Variants in RAB27A observed in about 807,000 individuals in gnomAD.
RAB27A encodes the protein RAB27A, member RAS oncogene family.
A neutral mutation model predicts 20.8 loss-of-function variants in RAB27A; 17 were observed. The observed-to-expected ratio is 0.82, with a 90% CI of 0.56 to 1.23. The LOEUF (loss-of-function observed/expected upper bound fraction) is 1.23. Among genes scored for constraint, RAB27A ranks in the 50% most tolerant of loss-of-function variants. RAB27A has a pLI of 0.00. For missense variants in RAB27A, 277 were observed against 266.7 expected (o/e 1.04, Z -0.27); for synonymous variants, 85 against 92.8 (o/e 0.92, Z 0.48).
intron 2 of RAB27A, among the ~76,000 whole-genome samples, chr15:55,252,889 C>T (rs1896943588): frequency 6.6e-6 from 1 of 151,818 alleles, no homozygotes; most frequent in Non-Finnish European, 1.5e-5. Context: ...AATCCCAGCA[C>T]TTTGGGAGGC....
At chr15:55,289,834 C>T (rs1463641995), upstream of RAB27A, 1 of 152,220 alleles carries the variant, frequency 6.6e-6, no homozygotes, top group African/African-American at 2.4e-5. Flanking sequence ...ACATCACTTC[C>T]CGTAAAGGAG....
At chr15:55,207,215 T>C (rs1391416522) in intron 6 of RAB27A, among the ~76,000 whole-genome samples, 1 of 152,174 alleles carries the variant, frequency 6.6e-6, no homozygotes, top group African/African-American at 2.4e-5. Flanking sequence ...TGTTAATAAC[T>C]ACTTTGGAAA....
chr15:55,311,665 G>C (rs995491596), intron 2 of RAB27A, among the ~76,000 whole-genome samples: 1 of 152,186 alleles, frequency 6.6e-6, no homozygotes, highest in African/African-American at 2.4e-5. Context: ...CTGTAAGCTA[G>C]TGTTATAATT....
intron 4 of RAB27A, among the ~76,000 whole-genome samples, chr15:55,229,265 A>G (rs1895939736): frequency 6.6e-6 from 1 of 151,604 alleles, no homozygotes; most frequent in Non-Finnish European, 1.5e-5. Flanking sequence ...GTCTTTGCCT[A>G]TATGTAAAAC....
At chr15:55,293,436 C>T (rs1217552030), upstream of RAB27A, among the ~76,000 whole-genome samples, 1 of 149,972 alleles carries the variant, frequency 6.7e-6, no homozygotes, top group Non-Finnish European at 1.5e-5. Context: ...GATACTAGAT[C>T]AACACATAAA....
chr15:55,209,729 C>T (rs1178275727), intron 6 of RAB27A, among the ~76,000 whole-genome samples: 1 of 146,800 alleles, frequency 6.8e-6, no homozygotes, highest in Middle Eastern at 3.3e-3. Flanking sequence ...AATATATATA[C>T]ACATATATAT....
At chr15:55,240,704 C>G (rs1329349178) in intron 2 of RAB27A, among the ~76,000 whole-genome samples, 1 of 152,162 alleles carries the variant, frequency 6.6e-6, no homozygotes, top group African/African-American at 2.4e-5. Flanking sequence ...TATTTAGTCT[C>G]TTTTGCCTTG....
intron 1 of RAB27A, among the ~76,000 whole-genome samples, chr15:55,288,222 C>G (rs1445415215): frequency 6.6e-6 from 1 of 152,010 alleles, no homozygotes; most frequent in Non-Finnish European, 1.5e-5. Context: ...AAAGCACAAA[C>G]AACAAAAGGA....
intron 2 of RAB27A, among the ~76,000 whole-genome samples, chr15:55,262,447 C>A (rs1046268806): frequency 6.6e-6 from 1 of 150,538 alleles, no homozygotes; most frequent in Non-Finnish European, 1.5e-5. Context: ...GAGGCTGAGG[C>A]AGGAGAATGG....
At chr15:55,265,173 C>T (rs920210284) in intron 2 of RAB27A, among the ~76,000 whole-genome samples, 1 of 151,898 alleles carries the variant, frequency 6.6e-6, no homozygotes, top group Non-Finnish European at 1.5e-5. Flanking sequence ...ACCCAGGAGG[C>T]GGAGGTTGCA....
intron 2 of RAB27A, chr15:55,269,800 C>T (rs765904123): frequency 1.3e-5 from 2 of 152,092 alleles, no homozygotes; most frequent in Non-Finnish European, 2.9e-5. Context: ...AAACAAAACA[C>T]CAATAAGCTT....
chr15:55,252,391 G>A (rs534721511), intron 2 of RAB27A, among the ~76,000 whole-genome samples: 1 of 151,844 alleles, frequency 6.6e-6, no homozygotes, highest in Admixed American at 6.6e-5. Flanking sequence ...ATCACTTGAG[G>A]CCAGGAGTTC....
intron 2 of RAB27A, among the ~76,000 whole-genome samples, chr15:55,260,981 C>T (rs1344176764): frequency 6.8e-6 from 1 of 146,708 alleles, no homozygotes; most frequent in African/African-American, 2.6e-5. Flanking sequence ...AAACGTACCA[C>T]TCTGGTATGG....
At chr15:55,306,845 A>G (rs1049844255) in intron 2 of RAB27A, among the ~76,000 whole-genome samples, 1 of 152,198 alleles carries the variant, frequency 6.6e-6, no homozygotes, top group Non-Finnish European at 1.5e-5. Flanking sequence ...AGGTGGTGAG[A>G]GAACAGTAAA....
intron 2 of RAB27A, among the ~76,000 whole-genome samples, chr15:55,301,249 C>T (rs1015803259): frequency 1.3e-5 from 2 of 152,138 alleles, no homozygotes; most frequent in African/African-American, 4.8e-5. Context: ...CAAACTACCA[C>T]GCTCGGCTAA....
At chr15:55,293,541 G>A (rs1055719474), upstream of RAB27A, among the ~76,000 whole-genome samples, 3 of 151,878 alleles carry the variant, frequency 2.0e-5, no homozygotes, top group African/African-American at 4.8e-5. Flanking sequence ...AAAATACCTA[G>A]GCATAAATTT....
intron 2 of RAB27A, among the ~76,000 whole-genome samples, chr15:55,308,923 A>C (rs1323766226): frequency 6.6e-6 from 1 of 152,138 alleles, no homozygotes; most frequent in Non-Finnish European, 1.5e-5. Context: ...CCACTACATC[A>C]ATTTCCTTAT....
At chr15:55,278,830 A>G (rs1897943180) in intron 1 of RAB27A, among the ~76,000 whole-genome samples, 1 of 152,186 alleles carries the variant, frequency 6.6e-6, no homozygotes. Context: ...TGGGGCTGAA[A>G]AATCTGCATT....
At chr15:55,228,539 G>C in intron 5 of RAB27A, 70 bp downstream of exon 5, 1 of 1,157,636 alleles carries the variant, frequency 8.6e-7, no homozygotes, top group Non-Finnish European at 1.3e-6. Context: ...CACAGAAGTA[G>C]AGCATAAGAG....
Sources: gnomAD v4.1 joint callset for allele counts (sites outside exome capture counted in the v4.1 genomes callset) on GRCh38, gnomAD v4.1.1 for gene constraint, MANE v1.5 for transcripts, NCBI Gene and HGNC (gene_info 2026-07-23, HGNC 2026-07-21) for gene names.